TMEM163: variants seen among roughly 807,000 people sequenced by gnomAD.
The protein encoded by TMEM163 is transmembrane protein 163.
A neutral mutation model predicts 29.3 loss-of-function variants in TMEM163; 17 were observed. That is an observed-to-expected ratio of 0.58 (90% CI 0.40 to 0.87). The LOEUF is 0.87. TMEM163 is among the 40% of genes least tolerant of loss of function. TMEM163 has a pLI of 0.00. For missense variants in TMEM163, 303 were observed against 381.5 expected, an observed-to-expected ratio of 0.79 and a Z score of 1.71; for synonymous variants, 157 against 160.6, an observed-to-expected ratio of 0.98 and a Z score of 0.17.
At chr2:134,701,850 G>A (rs539513455) in intron 2 of TMEM163, among the ~76,000 whole-genome samples, 19 of 150,996 alleles carry the variant, frequency 1.3e-4, no homozygotes, top group African/African-American at 3.9e-4. Flanking sequence ...CCCGGGAGGC[G>A]GAGGTTGCAG....
rs79919794 is a variant in TMEM163, at chr2:134,683,998, A to G, written c.322+29202T>C. On this transcript the variant is annotated intron_variant, in intron 2 of 7. Coordinates refer to ENST00000281924, the MANE Select transcript of TMEM163 (RefSeq NM_030923.5). ...TAAAATGGGCATTTTACCAGCAATG[A>G]CTAATGATAATCACTGCCATTTATT... Among the ~76,000 whole-genome samples the G allele has an allele frequency of 9.6e-3, 1,464 of 152,310 alleles. 16 individuals are homozygous for G. The highest frequency in any genetic ancestry group is 0.014 in the Admixed American group (216 of 15,304).
chr2:134,539,446 G>T (rs1274786000), intron 4 of TMEM163, among the ~76,000 whole-genome samples: 1 of 152,164 alleles, frequency 6.6e-6, no homozygotes, highest in Non-Finnish European at 1.5e-5. Flanking sequence ...GCACCCAGTG[G>T]GCTGATCACA....
intron 2 of TMEM163, among the ~76,000 whole-genome samples, chr2:134,588,752 C>T (rs1222048891): frequency 6.6e-6 from 1 of 152,178 alleles, no homozygotes; most frequent in Non-Finnish European, 1.5e-5. Flanking sequence ...GTTTGCCTCT[C>T]ACAGGAGAAC....
intron 2 of TMEM163, among the ~76,000 whole-genome samples, chr2:134,612,333 A>C (rs1682522775): frequency 6.6e-6 from 1 of 152,112 alleles, no homozygotes; most frequent in South Asian, 2.1e-4. Flanking sequence ...AGATTTAGGA[A>C]ATGAGATGTC....
At chr2:134,685,994 ACT>A (rs1684342752) in intron 2 of TMEM163, among the ~76,000 whole-genome samples, 2 of 152,142 alleles carry the variant, frequency 1.3e-5, no homozygotes, top group South Asian at 4.1e-4. Flanking sequence ...TGATTTAAAG[ACT>A]CTGCCAGCCA....
chr2:134,635,540 G>A (rs11684785), intron 2 of TMEM163, among the ~76,000 whole-genome samples: 99,473 of 151,976 alleles, frequency 0.65, 34,023 homozygotes, highest in African/African-American at 0.82. Flanking sequence ...AGCATTCGAT[G>A]CCGCTAGAGT....
intron 2 of TMEM163, among the ~76,000 whole-genome samples, chr2:134,666,839 C>T (rs1429198067): frequency 1.3e-5 from 2 of 152,152 alleles, no homozygotes; most frequent in African/African-American, 2.4e-5. Flanking sequence ...TGATGGCCAG[C>T]GTAGAGCAGG....
rs558973928 is a variant in TMEM163, at chr2:134,509,872, A to G, written c.459-6875T>C. ...TAAGCTGGGTGTACAATGGACAGGA[A>G]TCATGAAGCAGAGAAACTAGAAGGC... On this transcript the variant is annotated intron_variant, in intron 4 of 7. Transcript: ENST00000281924. Among the ~76,000 whole-genome samples, 15 of 152,380 alleles carry G rather than the reference A, an allele frequency of 9.8e-5. No homozygotes were observed. The East Asian group carries it at 2.1e-3, about 22-fold the overall frequency.
At chr2:134,667,711 A>G (rs184744037) in intron 2 of TMEM163, among the ~76,000 whole-genome samples, 2 of 152,366 alleles carry the variant, frequency 1.3e-5, no homozygotes, top group East Asian at 3.9e-4. Flanking sequence ...TGTTTTAAGC[A>G]AGGATAACAC....
chr2:134,493,697 T>C (rs919324145), intron 5 of TMEM163, among the ~76,000 whole-genome samples: 1 of 152,220 alleles, frequency 6.6e-6, no homozygotes, highest in Non-Finnish European at 1.5e-5. Context: ...TAAGAAAATT[T>C]TGGCTATCCC....
chr2:134,629,637 C>T lies in TMEM163; in HGVS notation c.323-77546G>A, dbSNP rs542657402. On this transcript the variant is annotated intron_variant, in intron 2 of 7. Transcript: ENST00000281924. ...TCTGATTATACTACTTCCCCCTCTCCAATCTCTGCCCAAACTCTAGGCTAC... is the reference window on the plus strand; with the variant it reads ...TCTGATTATACTACTTCCCCCTCTCTAATCTCTGCCCAAACTCTAGGCTAC... 9.2e-5 allele frequency among the ~76,000 whole-genome samples: 14 copies of T among 152,294 alleles called. No homozygotes were observed. The East Asian group carries it at 1.5e-3, about 17-fold the overall frequency.
chr2:134,501,319 G>A (rs893053780), intron 5 of TMEM163, among the ~76,000 whole-genome samples: 1 of 152,116 alleles, frequency 6.6e-6, no homozygotes, highest in African/African-American at 2.4e-5. Context: ...TCTCTTAAGA[G>A]TATTTGCACT....
chr2:134,710,538 C>T (rs529350607), intron 2 of TMEM163, among the ~76,000 whole-genome samples: 14 of 151,904 alleles, frequency 9.2e-5, no homozygotes, highest in African/African-American at 3.4e-4. Flanking sequence ...AACTGCCCCC[C>T]AAAATTGTAA....
At chr2:134,476,701 T>C (rs747745283) in intron 5 of TMEM163, among the ~76,000 whole-genome samples, 2 of 152,174 alleles carry the variant, frequency 1.3e-5, no homozygotes, top group Non-Finnish European at 2.9e-5. Flanking sequence ...TGGTGGAACA[T>C]GGACCTGGAG....
intron 4 of TMEM163, among the ~76,000 whole-genome samples, chr2:134,547,118 C>T (rs562541939): frequency 6.6e-6 from 1 of 152,198 alleles, no homozygotes; most frequent in East Asian, 1.9e-4. Context: ...TGTTTCACAA[C>T]AACATGAGAT....
At chr2:134,707,624 A>C (rs1455689734) in intron 2 of TMEM163, among the ~76,000 whole-genome samples, 1 of 152,176 alleles carries the variant, frequency 6.6e-6, no homozygotes, top group Non-Finnish European at 1.5e-5. Flanking sequence ...ACATGGGCAG[A>C]AGAGGCAAGG....
chr2:134,516,913 TAG>T (rs1680083216), intron 4 of TMEM163, among the ~76,000 whole-genome samples: 1 of 151,676 alleles, frequency 6.6e-6, no homozygotes, highest in Admixed American at 6.6e-5. Context: ...CACCCCAAAT[TAG>T]AGAACAGAGG....
intron 2 of TMEM163, among the ~76,000 whole-genome samples, chr2:134,683,066 C>A (rs557857586): frequency 6.6e-6 from 1 of 152,026 alleles, no homozygotes; most frequent in African/African-American, 2.4e-5. Flanking sequence ...CTGGAAAAGA[C>A]AAAACTATAG....
At chr2:134,611,779 C>T (rs974510671) in intron 2 of TMEM163, among the ~76,000 whole-genome samples, 2 of 152,060 alleles carry the variant, frequency 1.3e-5, no homozygotes, top group East Asian at 3.9e-4. Context: ...AGAGAGAAAC[C>T]ACCCGGAACA....
Sources: allele counts gnomAD v4.1 joint callset (sites outside exome capture counted in the v4.1 genomes callset), GRCh38; gene constraint gnomAD v4.1.1; transcripts MANE v1.5; gene names NCBI Gene and HGNC (gene_info 2026-07-23, HGNC 2026-07-21).